Variants in CYTH3 observed in about 807,000 individuals in gnomAD.
CYTH3 encodes the protein cytohesin 3, also known as cytohesin-3.
Under a neutral mutation model 55.1 loss-of-function variants are expected in CYTH3, and 23 were observed. That is an observed-to-expected ratio of 0.42 (90% CI 0.30 to 0.59). The LOEUF is 0.59. Among genes scored for constraint, CYTH3 ranks in the 20% least tolerant of loss-of-function variants. The pLI is 0.20. For synonymous variants in CYTH3, 249 were observed against 194.9 expected, an observed-to-expected ratio of 1.28 and a Z score of -2.31; for missense variants, 413 against 524.8, an observed-to-expected ratio of 0.79 and a Z score of 2.08.
chr7:6,186,965 T>A (rs1783670643), intron 4 of CYTH3, 85 bp downstream of exon 4: 1 of 1,408,238 alleles, frequency 7.1e-7, no homozygotes, highest in South Asian at 1.2e-5. Flanking sequence ...GCGGACCACC[T>A]CTGACCTCTG....
At chr7:6,207,257 G>A (rs892080242) in intron 1 of CYTH3, among the ~76,000 whole-genome samples, 7 of 151,722 alleles carry the variant, frequency 4.6e-5, no homozygotes, top group African/African-American at 1.7e-4. Context: ...ACCAAGCCCA[G>A]CTAATTTTCT....
rs1424853644 is a variant in CYTH3 at position 6,165,547 on chromosome 7, G to A, written c.970C>T (p.Pro324Ser). 6 of 1,613,836 alleles carry A rather than the reference G, an allele frequency of 3.7e-6. No homozygotes were observed. The East Asian group carries it at 1.3e-4, about 36-fold the overall frequency. ...SIREVEDPRKPNCFELYNPSH... is the reference protein window; with the variant it reads ...SIREVEDPRKSNCFELYNPSH... Reference sequence around the variant, plus strand: ...AAGGTTCAGGAGGAAGAGCTTACGGGTTTCCGGGGGTCCTCCACCTCCCTG... The same window carrying A: ...AAGGTTCAGGAGGAAGAGCTTACGGATTTCCGGGGGTCCTCCACCTCCCTG... The change falls in exon 11 of 13, where the codon CCC becomes TCC. Residue 324 changes from proline (P) to serine (S), a missense_variant and splice_region_variant. Around this residue, in one of 4 missense-constraint regions of CYTH3, gnomAD observed 98 missense variants for 115.2 expected, o/e 0.85. Transcript: ENST00000350796.
Position 6,170,353 on chromosome 7 carries a change from C to T in CYTH3, c.823+182G>A, listed in dbSNP as rs1221443070. 1 of 613,454 alleles carries T rather than the reference C, an allele frequency of 1.6e-6. No homozygotes were observed. Among genetic ancestry groups the T allele is most frequent in the Non-Finnish European group, 2.8e-6 (1 of 356,850 alleles). The allele number at this position is 613,454 out of a possible 1,614,324, so 38.0% of individuals were successfully genotyped here. A position where few individuals can be genotyped will look rare whatever the true frequency, so the allele number is the denominator to read the frequency against. ...TGCCGCGGGCATGGCTCTGAGGCCC[C>T]GGCTCGGAGAAGCAGCCGTGGCCAT... On this transcript the variant is annotated intron_variant, in intron 9 of 12. Coordinates refer to ENST00000350796, the MANE Select transcript of CYTH3 (RefSeq NM_004227.4). This position sits in a 1 kb window ranked among gnomAD's most constrained non-coding sequence, Gnocchi z 7.8.
intron 6 of CYTH3, among the ~76,000 whole-genome samples, chr7:6,172,428 A>T (rs1783225174): frequency 6.6e-6 from 1 of 151,788 alleles, no homozygotes; most frequent in Non-Finnish European, 1.5e-5. Context: ...CCAGCAAAGC[A>T]TGCACCTGCC....
chr7:6,184,723 C>T (rs570497059), intron 4 of CYTH3, among the ~76,000 whole-genome samples: 36 of 152,258 alleles, frequency 2.4e-4, no homozygotes, highest in Non-Finnish European at 4.4e-4. Flanking sequence ...GGACTACAGG[C>T]ACCCACCACC....
chr7:6,212,797 T>C (rs1784350073), intron 1 of CYTH3: 1 of 152,226 alleles, frequency 6.6e-6, no homozygotes, highest in Non-Finnish European at 1.5e-5. Flanking sequence ...CACATTTTGC[T>C]TATCCATTCA....
chr7:6,221,034 G>A (rs2128551405), intron 1 of CYTH3, among the ~76,000 whole-genome samples: 1 of 151,974 alleles, frequency 6.6e-6, no homozygotes, highest in Non-Finnish European at 1.5e-5. Context: ...ATGTGATCCA[G>A]CAATATCACC....
chr7:6,259,810 TA>T (rs1780293379), intron 1 of CYTH3, among the ~76,000 whole-genome samples: 2 of 29,992 alleles, frequency 6.7e-5, no homozygotes, highest in Non-Finnish European at 9.3e-5. Context: ...TATATATATA[TA>T]TAATATATAT....
intron 1 of CYTH3, among the ~76,000 whole-genome samples, chr7:6,244,888 A>T (rs1329087016): frequency 1.4e-5 from 2 of 142,290 alleles, no homozygotes; most frequent in Admixed American, 1.4e-4. Flanking sequence ...TCCCGGGTTC[A>T]CGCCATTCTC....
intron 1 of CYTH3, among the ~76,000 whole-genome samples, chr7:6,200,368 T>C (rs1784031664): frequency 6.6e-6 from 1 of 152,148 alleles, no homozygotes; most frequent in Non-Finnish European, 1.5e-5. Context: ...TGGAGAAAGA[T>C]GGAGTTTCAC....
At chr7:6,187,550 C>T (rs756006235) in intron 3 of CYTH3, 107 bp downstream of exon 3, 57 of 975,020 alleles carry the variant, frequency 5.8e-5, no homozygotes, top group Non-Finnish European at 8.7e-5. Context: ...ACTCCACAGG[C>T]TCCCCACATC....
chr7:6,228,674 C>T (rs1326045046), intron 1 of CYTH3, among the ~76,000 whole-genome samples: 5 of 152,216 alleles, frequency 3.3e-5, no homozygotes, highest in Non-Finnish European at 7.3e-5. Flanking sequence ...GGCTGCCTCC[C>T]GCTCTGAGCA....
intron 1 of CYTH3, among the ~76,000 whole-genome samples, chr7:6,270,118 A>C (rs889963): frequency 0.91 from 139,271 of 152,222 alleles, 63,876 homozygotes; most frequent in East Asian, 1. Flanking sequence ...AAAATCTAAA[A>C]GGTATTAACT....
intron 1 of CYTH3, among the ~76,000 whole-genome samples, chr7:6,224,730 C>G (rs1779197105): frequency 6.6e-6 from 1 of 152,172 alleles, no homozygotes; most frequent in African/African-American, 2.4e-5. Flanking sequence ...GAGCTGAAAA[C>G]AGGTATCCAA....
chr7:6,178,277 T>C (rs1038233106), intron 4 of CYTH3, among the ~76,000 whole-genome samples: 1 of 152,250 alleles, frequency 6.6e-6, no homozygotes, highest in Non-Finnish European at 1.5e-5. Context: ...GTTTATTCTG[T>C]GTCTGCGAGG....
intron 1 of CYTH3, among the ~76,000 whole-genome samples, chr7:6,231,370 G>A (rs561391884): frequency 6.6e-6 from 1 of 152,320 alleles, no homozygotes; most frequent in South Asian, 2.1e-4. Context: ...GAGTGAGCAC[G>A]AAGACTCCAA....
chr7:6,266,861 G>A (rs960312281), intron 1 of CYTH3, among the ~76,000 whole-genome samples: 5 of 152,110 alleles, frequency 3.3e-5, no homozygotes, highest in African/African-American at 4.8e-5. Context: ...CTCCATGAAC[G>A]TGGGAAATTT....
At chr7:6,181,360 T>C (rs1002746635) in intron 4 of CYTH3, among the ~76,000 whole-genome samples, 2 of 151,896 alleles carry the variant, frequency 1.3e-5, no homozygotes, top group Admixed American at 1.3e-4. Context: ...TGTCTGAACA[T>C]GTGTTTCCTC....
intron 1 of CYTH3, among the ~76,000 whole-genome samples, chr7:6,268,693 T>C (rs919105741): frequency 1.3e-5 from 2 of 152,204 alleles, no homozygotes; most frequent in Non-Finnish European, 2.9e-5. Flanking sequence ...TAGAACTGGA[T>C]TGCTGGGTCA....
Sources: gnomAD v4.1 joint callset for allele counts (sites outside exome capture counted in the v4.1 genomes callset) on GRCh38, gnomAD v4.1.1 for gene constraint, gnomAD v4.1.1 regional missense constraint, Gnocchi (gnomAD v3.1) non-coding constraint, MANE v1.5 for transcripts, NCBI Gene and HGNC (gene_info 2026-07-23, HGNC 2026-07-21) for gene names.